The following ACP3 variants were observed in gnomAD, a reference collection of about 807,000 sequenced individuals.
ACP3 encodes prostatic acid phosphatase.
In ACP3, 38 loss-of-function variants were observed where a neutral mutation model predicts 45.6. That is an observed-to-expected ratio of 0.83 (90% CI 0.64 to 1.09). The LOEUF is 1.09. Among genes scored for constraint, ACP3 ranks in the 50% least tolerant of loss-of-function variants. The pLI is 0.00. For synonymous variants in ACP3, 162 were observed against 164.7 expected, an observed-to-expected ratio of 0.98 and a Z score of 0.13; for missense variants, 466 against 463.2, an observed-to-expected ratio of 1.01 and a Z score of -0.05.
chr3:132,334,078 A>G (rs1937450041), intron 4 of ACP3, among the ~76,000 whole-genome samples: 1 of 152,230 alleles, frequency 6.6e-6, no homozygotes, highest in African/African-American at 2.4e-5. Context: ...TCTCAAAAAT[A>G]AATAAAAAAC....
At chr3:132,333,647 G>A (rs1315526250) in intron 4 of ACP3, among the ~76,000 whole-genome samples, 1 of 152,174 alleles carries the variant, frequency 6.6e-6, no homozygotes, top group Non-Finnish European at 1.5e-5. Context: ...TGAAAAGACA[G>A]GATGATTCAT....
At chr3:132,326,071 T>C (rs560996520) in intron 1 of ACP3, among the ~76,000 whole-genome samples, 1 of 152,286 alleles carries the variant, frequency 6.6e-6, no homozygotes, top group Non-Finnish European at 1.5e-5. Context: ...ACTCAGTGGC[T>C]CTCAACTTGG....
At position 132,350,749 on chromosome 3, in the gene ACP3, A is replaced by G. The variant is rs550621295; in HGVS notation, c.864+747A>G. Among the ~76,000 whole-genome samples, 4 of 152,330 alleles carry G rather than the reference A, an allele frequency of 2.6e-5. No individual in the cohort carries two copies. The South Asian group carries it at 8.3e-4, about 32-fold the overall frequency. ...TCCTGCTGCTTCTTTGTTTAATTGTAGAAAGAAGCAAGGAAGCAAGGGAGA... is the reference window on the plus strand; with the variant it reads ...TCCTGCTGCTTCTTTGTTTAATTGTGGAAAGAAGCAAGGAAGCAAGGGAGA... On this transcript the variant is annotated intron_variant, in intron 8 of 9. Transcript: ENST00000336375.
intron 4 of ACP3, among the ~76,000 whole-genome samples, chr3:132,334,020 A>G (rs310003): frequency 0.68 from 102,913 of 151,982 alleles, 35,397 homozygotes; most frequent in East Asian, 0.94. Context: ...GCAGTGAGCC[A>G]AGATCGCACC....
chr3:132,317,680 G>C (rs917947858), intron 1 of ACP3, 104 bp downstream of exon 1: 7 of 1,309,314 alleles, frequency 5.3e-6, no homozygotes, highest in Non-Finnish European at 7.1e-6. Context: ...GTTTCCCAGA[G>C]ACCAGGCTCT....
At chr3:132,366,005 G>T (rs923960570) in intron 10 of ACP3, among the ~76,000 whole-genome samples, 14 of 150,350 alleles carry the variant, frequency 9.3e-5, no homozygotes, top group Non-Finnish European at 2.1e-4. Flanking sequence ...AAAAAAAAAG[G>T]ATTGTGGCCT....
rs751393344 is a variant in ACP3 at position 132,317,479 on chromosome 3, T to C, written c.23T>C (p.Leu8Pro). The C allele has an allele frequency of 6.2e-6, 10 of 1,613,370 alleles. No individual in the cohort carries two copies. The East Asian group carries it at 1.8e-4, about 29-fold the overall frequency. ...AACATGAGAGCTGCACCCCTCCTCC[T>C]GGCCAGGGCAGCAAGCCTTAGCCTT... MRAAPLLLARAASLSLGF... is the reference protein window; with the variant it reads MRAAPLLPARAASLSLGF... The change falls in exon 1 of 10, where the codon CTG (leucine) becomes CCG (proline). Residue 8 changes from leucine (L) to proline (P), a missense_variant. Coordinates refer to ENST00000336375, the MANE Select transcript of ACP3 (RefSeq NM_001099.5).
At chr3:132,346,837 G>A (rs1033379292) in intron 7 of ACP3, among the ~76,000 whole-genome samples, 13 of 152,270 alleles carry the variant, frequency 8.5e-5, no homozygotes, top group African/African-American at 2.6e-4. Flanking sequence ...TTTCAGCATC[G>A]GCATCAACTA....
At chr3:132,365,627 CT>C (rs1938119368) in intron 10 of ACP3, among the ~76,000 whole-genome samples, 1 of 152,106 alleles carries the variant, frequency 6.6e-6, no homozygotes, top group South Asian at 2.1e-4. Flanking sequence ...TCATTGCAGA[CT>C]TTGTTTTAAG....
At position 132,358,587 on chromosome 3, in the gene ACP3, G is replaced by C. The variant is rs553831491; in HGVS notation, c.*1709G>C. 2.7e-6 allele frequency: 3 copies of C among 1,106,934 alleles called. No homozygotes were observed. The highest frequency in any genetic ancestry group is 1.6e-5 in the African/African-American group (1 of 61,304). 68.6% of individuals were successfully genotyped at this position (1,106,934 alleles called of 1,614,324 possible). A position where few individuals can be genotyped will look rare whatever the true frequency, so the allele number is the denominator to read the frequency against. On this transcript the variant is annotated 3_prime_UTR_variant, in exon 10 of 10. Coordinates refer to ENST00000336375, the MANE Select transcript of ACP3 (RefSeq NM_001099.5). ...CAGAATCTAGAGCAAAGCCATCCCC[G>C]CTCCTGGTTGGTCACAGAATGACTG...
chr3:132,362,451 T>A (rs143172588), downstream of ACP3, among the ~76,000 whole-genome samples: 1 of 152,346 alleles, frequency 6.6e-6, no homozygotes, highest in Non-Finnish European at 1.5e-5. Context: ...TATTTTCCTA[T>A]GTATCAAGCA....
At chr3:132,334,553 T>A (rs1045534092) in intron 4 of ACP3, among the ~76,000 whole-genome samples, 2 of 152,160 alleles carry the variant, frequency 1.3e-5, no homozygotes, top group African/African-American at 2.4e-5. Context: ...TTACGTGCAG[T>A]TACCACAGGG....
At chr3:132,350,127 A>C in intron 8 of ACP3, 125 bp downstream of exon 8, 1 of 648,848 alleles carries the variant, frequency 1.5e-6, no homozygotes, top group Non-Finnish European at 2.7e-6. Flanking sequence ...ACTTGCACAA[A>C]GCTTTTAGAA....
Position 132,356,624 on chromosome 3 carries a change from A to G in ACP3, c.969-62A>G, listed in dbSNP as rs570781088. The G allele has an allele frequency of 3.7e-4, 598 of 1,606,638 alleles. 4 individuals are homozygous for G. Among genetic ancestry groups the G allele is most frequent in the South Asian group, 2.1e-3 (191 of 90,066 alleles). On this transcript the variant is annotated intron_variant, in intron 9 of 9. Transcript: ENST00000336375. ...CATGTAATAGTCCAAGTGGAAAGAA[A>G]TTCAGTGGCAGTTCAACAACACAGA... is the stretch of plus-strand genomic sequence containing the variant.
chr3:132,325,264 A>T (rs1240612534), intron 1 of ACP3, among the ~76,000 whole-genome samples: 2 of 152,330 alleles, frequency 1.3e-5, no homozygotes, highest in Non-Finnish European at 1.5e-5. Context: ...AGAATGGTTT[A>T]TTAAGTGTTT....
chr3:132,367,619 A>T, intron 10 of ACP3: 1 of 1,073,112 alleles, frequency 9.3e-7, no homozygotes, highest in African/African-American at 1.6e-5. Context: ...ATTTGCAATT[A>T]AGGCAGAAAG....
intron 1 of ACP3, among the ~76,000 whole-genome samples, chr3:132,317,835 T>C (rs763405458): frequency 2.0e-4 from 31 of 152,254 alleles, no homozygotes; most frequent in Non-Finnish European, 3.7e-4. Context: ...ATTTACTTAC[T>C]TTACAACTGC....
chr3:132,363,126 G>T (rs919937894), downstream of ACP3, among the ~76,000 whole-genome samples: 10 of 152,246 alleles, frequency 6.6e-5, no homozygotes, highest in African/African-American at 2.2e-4. Flanking sequence ...CACAGGGAGA[G>T]AAAGCATACG....
chr3:132,337,571 G>C lies in ACP3; in HGVS notation c.555+17G>C. The C allele has an allele frequency of 6.6e-7, 1 of 1,524,600 alleles. No individual in the cohort carries two copies. The highest frequency in any genetic ancestry group is 1.2e-5 in the South Asian group (1 of 85,904). 94.4% of individuals were successfully genotyped at this position (1,524,600 alleles called of 1,614,324 possible). A position where few individuals can be genotyped will look rare whatever the true frequency, so the allele number is the denominator to read the frequency against. On this transcript the variant is annotated intron_variant, in intron 5 of 9. Coordinates refer to ENST00000336375, the MANE Select transcript of ACP3 (RefSeq NM_001099.5). ...CCTTATAAGGTTAAAAGCTAGTTTT[G>C]TTTAGTGGTACTTGTTAGTTTGTTA... is the stretch of plus-strand genomic sequence containing the variant.
Sources: gnomAD v4.1 joint callset for allele counts (sites outside exome capture counted in the v4.1 genomes callset) on GRCh38, gnomAD v4.1.1 for gene constraint, MANE v1.5 for transcripts, NCBI Gene and HGNC (gene_info 2026-07-23, HGNC 2026-07-21) for gene names.